Variants in STAG1 observed in about 807,000 individuals in gnomAD.
STAG1 encodes the protein STAG1 cohesin complex component, also known as cohesin subunit SA-1.
STAG1 carries 26 observed loss-of-function variants against 170.9 expected under a neutral mutation model. That is an observed-to-expected ratio of 0.15 (90% CI 0.11 to 0.21). The LOEUF is 0.21. STAG1 is among the 10% of genes least tolerant of loss of function. The pLI is 1.00. For missense variants in STAG1, 964 were observed against 1,509.5 expected (o/e 0.64, Z 5.99); for synonymous variants, 514 against 497.7 (o/e 1.03, Z -0.44).
intron 5 of STAG1, among the ~76,000 whole-genome samples, chr3:136,545,363 T>C (rs1263018323): frequency 2.0e-5 from 3 of 152,174 alleles, no homozygotes; most frequent in Non-Finnish European, 4.4e-5. Flanking sequence ...CCACCGTGCC[T>C]GGCCATTTTT....
chr3:136,371,770 A>T (rs2108298337), intron 23 of STAG1, among the ~76,000 whole-genome samples: 1 of 152,284 alleles, frequency 6.6e-6, no homozygotes, highest in Non-Finnish European at 1.5e-5. Context: ...CTTGTAGTAT[A>T]GTTTGAAGTC....
intron 3 of STAG1, among the ~76,000 whole-genome samples, chr3:136,612,450 T>C (rs570717200): frequency 3.3e-5 from 5 of 149,522 alleles, no homozygotes; most frequent in Admixed American, 2.0e-4. Flanking sequence ...TACAAAAAAA[T>C]AAAAAAATTT....
chr3:136,590,872 C>A (rs756005023), intron 4 of STAG1, among the ~76,000 whole-genome samples: 1 of 151,976 alleles, frequency 6.6e-6, no homozygotes, highest in Non-Finnish European at 1.5e-5. Context: ...CACTGATGGA[C>A]GTAAATATTT....
At chr3:136,405,180 T>C (rs1015278366) in intron 21 of STAG1, among the ~76,000 whole-genome samples, 2 of 151,396 alleles carry the variant, frequency 1.3e-5, no homozygotes, top group Non-Finnish European at 2.9e-5. Flanking sequence ...CAATATGGCT[T>C]TCCCAAAGAG....
chr3:136,632,134 G>C (rs184228214), intron 1 of STAG1, among the ~76,000 whole-genome samples: 2 of 152,204 alleles, frequency 1.3e-5, no homozygotes, highest in South Asian at 2.1e-4. Context: ...GAAAAAAAAA[G>C]TCAACCCTGA....
At chr3:136,660,427 C>G (rs553281222) in intron 1 of STAG1, among the ~76,000 whole-genome samples, 1 of 152,076 alleles carries the variant, frequency 6.6e-6, no homozygotes, top group East Asian at 1.9e-4. Context: ...ACAATTAATT[C>G]AAGTGAATAA....
intron 1 of STAG1, among the ~76,000 whole-genome samples, chr3:136,711,982 A>C (rs1943394289): frequency 6.6e-6 from 1 of 152,176 alleles, no homozygotes; most frequent in African/African-American, 2.4e-5. Context: ...TGTTTAACGG[A>C]AAAAAACCTG....
intron 1 of STAG1, among the ~76,000 whole-genome samples, chr3:136,680,608 A>G (rs1224971051): frequency 1.2e-4 from 18 of 152,140 alleles, no homozygotes; most frequent in Non-Finnish European, 2.9e-5. Context: ...ATCCTCATTT[A>G]TTATTTCATG....
intron 4 of STAG1, among the ~76,000 whole-genome samples, chr3:136,585,479 C>G (rs1485573579): frequency 6.6e-6 from 1 of 151,832 alleles, no homozygotes; most frequent in Admixed American, 6.6e-5. Context: ...ATTATCTGGG[C>G]ATGGTGGCCT....
intron 23 of STAG1, among the ~76,000 whole-genome samples, chr3:136,370,048 TTACTATACTA>T (rs71157375): frequency 0.33 from 49,888 of 149,998 alleles, 9,253 homozygotes; most frequent in East Asian, 0.54. Flanking sequence ...GCGTATGTAT[TTACTATACTA>T]TACTATACTA....
chr3:136,489,173 A>G (rs1229125036), intron 9 of STAG1, among the ~76,000 whole-genome samples: 1 of 152,226 alleles, frequency 6.6e-6, no homozygotes, highest in East Asian at 1.9e-4. Context: ...TGGTAACTCT[A>G]TTTTACAGCA....
At chr3:136,751,814 G>C (rs1212885405) in intron 1 of STAG1, among the ~76,000 whole-genome samples, 1 of 151,116 alleles carries the variant, frequency 6.6e-6, no homozygotes, top group African/African-American at 2.4e-5. Flanking sequence ...CGGGCGGGGG[G>C]GGGCGGAGGG....
intron 21 of STAG1, among the ~76,000 whole-genome samples, chr3:136,410,261 G>A (rs1327291397): frequency 1.3e-5 from 2 of 151,752 alleles, no homozygotes; most frequent in African/African-American, 4.8e-5. Context: ...TTATCTCGGT[G>A]TGGTGGCGGG....
intron 5 of STAG1, among the ~76,000 whole-genome samples, chr3:136,556,971 G>A (rs923072898): frequency 3.3e-5 from 5 of 152,060 alleles, no homozygotes; most frequent in Middle Eastern, 3.2e-3. Context: ...AATGGCCGAC[G>A]CCTGTAATCC....
intron 1 of STAG1, among the ~76,000 whole-genome samples, chr3:136,700,640 G>A (rs989337810): frequency 7.3e-5 from 11 of 150,518 alleles, no homozygotes; most frequent in South Asian, 2.1e-4. Flanking sequence ...GGCTGGTCTC[G>A]AACTCCTGAC....
At chr3:136,527,724 C>T (rs1044416356) in intron 6 of STAG1, among the ~76,000 whole-genome samples, 12 of 152,042 alleles carry the variant, frequency 7.9e-5, no homozygotes, top group Admixed American at 5.9e-4. Flanking sequence ...TTTCATCTAC[C>T]TTTGGTCTTT....
intron 1 of STAG1, among the ~76,000 whole-genome samples, chr3:136,650,436 G>C (rs1217557981): frequency 6.6e-6 from 1 of 152,042 alleles, no homozygotes; most frequent in Non-Finnish European, 1.5e-5. Context: ...CTTTGCTTTT[G>C]CATCTCCATA....
At chr3:136,668,641 G>T (rs1223490532) in intron 1 of STAG1, among the ~76,000 whole-genome samples, 1 of 151,968 alleles carries the variant, frequency 6.6e-6, no homozygotes, top group African/African-American at 2.4e-5. Context: ...AAAGGACACG[G>T]AACAGTACAG....
intron 1 of STAG1, among the ~76,000 whole-genome samples, chr3:136,642,904 C>A (rs1940856850): frequency 6.6e-6 from 1 of 152,172 alleles, no homozygotes; most frequent in African/African-American, 2.4e-5. Flanking sequence ...AGCATTAAAT[C>A]TAATCTCTGC....
Sources: allele counts gnomAD v4.1 joint callset (sites outside exome capture counted in the v4.1 genomes callset), GRCh38; gene constraint gnomAD v4.1.1; transcripts MANE v1.5; gene names NCBI Gene and HGNC (gene_info 2026-07-23, HGNC 2026-07-21).